VPS13D: variants seen among roughly 807,000 people sequenced by gnomAD.
VPS13D encodes intermembrane lipid transfer protein VPS13D.
In VPS13D, 187 loss-of-function variants were observed where a neutral mutation model predicts 461.9. That is an observed-to-expected ratio of 0.40 (90% confidence interval 0.36 to 0.46). The LOEUF (loss-of-function observed/expected upper bound fraction) is 0.46. VPS13D is among the 20% of genes least tolerant of loss of function. The pLI, the probability that VPS13D is intolerant of heterozygous loss-of-function variation, is 0.60. For missense variants in VPS13D, 4,711 were observed against 5,364.9 expected, an observed-to-expected ratio of 0.88 and a Z score of 3.81; for synonymous variants, 1,951 against 1,986.3, an observed-to-expected ratio of 0.98 and a Z score of 0.47.
rs777803514 is a variant in VPS13D, at chr1:12,277,131, G to A, written c.3543G>A (p.Val1181=). The A allele has an allele frequency of 6.2e-7, 1 of 1,614,162 alleles. No individual in the cohort carries two copies. Among genetic ancestry groups the A allele is most frequent in the South Asian group, 1.1e-5 (1 of 91,074 alleles). ...HRLNLLLLRT[V]GMANREKYGR... ...TGAACTTACTGCTTCTTCGGACAGT[G>A]GGCATGGCAAATAGAGAGAAATATG... The change falls in exon 19 of 70, where the codon GTG becomes GTA. Residue 1181 remains valine (V), a synonymous_variant. Coordinates refer to ENST00000620676, the MANE Select transcript of VPS13D (RefSeq NM_015378.4).
chr1:12,421,606 A>G (rs186411116), intron 65 of VPS13D, among the ~76,000 whole-genome samples: 56 of 152,308 alleles, frequency 3.7e-4, no homozygotes, highest in African/African-American at 1.3e-3. Context: ...AACAAAATAA[A>G]TAAAGTACTT....
At chr1:12,290,929 TC>T in intron 22 of VPS13D, 68 bp from the exon 23 acceptor site, 3 of 1,464,710 alleles carry the variant, frequency 2.0e-6, no homozygotes, top group Non-Finnish European at 2.7e-6. Flanking sequence ...CAGCTTTTGT[TC>T]CAGACATATT....
chr1:12,299,260 CCGTT>C lies in VPS13D; in HGVS notation c.6094_6097del (p.Val2032SerfsTer2). 1.2e-6 allele frequency: 2 copies of C among 1,613,802 alleles called. No individual in the cohort carries two copies. The highest frequency in any genetic ancestry group is 1.7e-6 in the Non-Finnish European group (2 of 1,179,964). Reference sequence around the variant, plus strand: ...CTCCTGGATATTGAGGCTGGTGCTCCCGTTCTCTTGATCCCAGAAAGTTCCAGAT... The same window carrying C: ...CTCCTGGATATTGAGGCTGGTGCTCCCTCTTGATCCCAGAAAGTTCCAGAT... On this transcript the variant is annotated frameshift_variant, in exon 25 of 70. Coordinates refer to ENST00000620676, the MANE Select transcript of VPS13D (RefSeq NM_015378.4). LOFTEE classifies it high-confidence loss of function. This position sits in a 1 kb window ranked among gnomAD's most constrained non-coding sequence, Gnocchi z 4.2.
chr1:12,366,126 C>T (rs1212791636), intron 52 of VPS13D, among the ~76,000 whole-genome samples: 3 of 152,038 alleles, frequency 2.0e-5, no homozygotes, highest in African/African-American at 7.2e-5. Flanking sequence ...CCAGGCTGGT[C>T]TGGAACTTCT....
intron 66 of VPS13D, 109 bp downstream of exon 66, chr1:12,456,239 C>A (rs143531591): frequency 0.015 from 21,778 of 1,434,400 alleles, 568 homozygotes; most frequent in Admixed American, 0.12. Flanking sequence ...CGCGGTGGCT[C>A]ATGCTTGTAA....
chr1:12,476,512 C>T (rs1645633237), intron 67 of VPS13D, among the ~76,000 whole-genome samples: 1 of 152,198 alleles, frequency 6.6e-6, no homozygotes, highest in Non-Finnish European at 1.5e-5. Context: ...CATGTGAGTG[C>T]AAGTGCTTTG....
chr1:12,251,728 T>G (rs1311033060), intron 6 of VPS13D, among the ~76,000 whole-genome samples: 3 of 152,184 alleles, frequency 2.0e-5, no homozygotes, highest in Non-Finnish European at 4.4e-5. Flanking sequence ...GAAACATACC[T>G]GATTGTGGTA....
intron 10 of VPS13D, among the ~76,000 whole-genome samples, chr1:12,259,252 G>A (rs1350064008): frequency 6.6e-6 from 1 of 150,912 alleles, no homozygotes; most frequent in African/African-American, 2.4e-5. Flanking sequence ...GCCCAGGCTG[G>A]TGTTGAACTC....
intron 69 of VPS13D, 99 bp from the exon 70 acceptor site, chr1:12,508,794 C>A: frequency 7.4e-7 from 1 of 1,343,976 alleles, no homozygotes; most frequent in Non-Finnish European, 1.0e-6. Flanking sequence ...TACATCCCAT[C>A]CTGAGATGCA....
chr1:12,260,015 C>CTTTTTTTTTTTT (rs70987243), intron 10 of VPS13D, among the ~76,000 whole-genome samples: 1 of 72,772 alleles, frequency 1.4e-5, no homozygotes, highest in African/African-American at 3.9e-5. Flanking sequence ...GCTTTAGTGA[C>CTTTTTTTTTTTT]TTTTTTTTTT....
chr1:12,433,108 AG>A (rs1167412998), intron 65 of VPS13D, among the ~76,000 whole-genome samples: 1 of 152,220 alleles, frequency 6.6e-6, no homozygotes, highest in Non-Finnish European at 1.5e-5. Flanking sequence ...AGAATGAGCC[AG>A]GGGCCACCCT....
chr1:12,470,408 G>C (rs1335965985), intron 67 of VPS13D, among the ~76,000 whole-genome samples: 1 of 152,196 alleles, frequency 6.6e-6, no homozygotes, highest in African/African-American at 2.4e-5. Flanking sequence ...ATTACCACAT[G>C]TGAAGTGCTT....
At chr1:12,354,335 C>A in intron 47 of VPS13D, 114 bp downstream of exon 47, 3 of 1,304,134 alleles carry the variant, frequency 2.3e-6, no homozygotes, top group South Asian at 1.4e-5. Flanking sequence ...TATAATATCT[C>A]AATAAGCCAG....
chr1:12,340,931 A>T (rs1017830667), intron 40 of VPS13D, among the ~76,000 whole-genome samples: 2 of 152,216 alleles, frequency 1.3e-5, no homozygotes, highest in Non-Finnish European at 2.9e-5. Flanking sequence ...TCTGTGTTCC[A>T]TGTGGAACCA....
At chr1:12,483,441 A>G (rs1012174010) in intron 67 of VPS13D, among the ~76,000 whole-genome samples, 1 of 150,580 alleles carries the variant, frequency 6.6e-6, no homozygotes, top group Non-Finnish European at 1.5e-5. Context: ...CTTTGCTTCA[A>G]TCTTTTTAAA....
At chr1:12,468,168 A>G (rs1211168323) in intron 67 of VPS13D, among the ~76,000 whole-genome samples, 1 of 152,234 alleles carries the variant, frequency 6.6e-6, no homozygotes, top group Non-Finnish European at 1.5e-5. Flanking sequence ...TATTACATAC[A>G]TAAGATAAGA....
At position 12,369,463 on chromosome 1, in the gene VPS13D, C is replaced by G. The variant is rs1386405305; in HGVS notation, c.10573-4C>G. 5 of 1,613,910 alleles carry G rather than the reference C, an allele frequency of 3.1e-6. No homozygotes were observed. Among genetic ancestry groups the G allele is most frequent in the Non-Finnish European group, 4.2e-6 (5 of 1,179,950 alleles). On this transcript the variant is annotated splice_region_variant and splice_polypyrimidine_tract_variant and intron_variant, in intron 53 of 69. Coordinates refer to ENST00000620676, the MANE Select transcript of VPS13D (RefSeq NM_015378.4). ...CCTCTTTGTCCTCTCTGCCATCACT[C>G]TAGGTCCCGGTTGTCTTTACTCAGC...
At chr1:12,302,689 T>C (rs1466081140) in intron 25 of VPS13D, among the ~76,000 whole-genome samples, 1 of 152,196 alleles carries the variant, frequency 6.6e-6, no homozygotes, top group African/African-American at 2.4e-5. Context: ...CACATTCACA[T>C]GCTTTAAAAA....
chr1:12,346,391 T>C (rs1336946240), intron 43 of VPS13D, among the ~76,000 whole-genome samples: 1 of 152,248 alleles, frequency 6.6e-6, no homozygotes, highest in African/African-American at 2.4e-5. Context: ...CATTGATGTG[T>C]TGGGGAGAAA....
Sources: allele counts gnomAD v4.1 joint callset (sites outside exome capture counted in the v4.1 genomes callset), GRCh38; gene constraint gnomAD v4.1.1; non-coding constraint Gnocchi (gnomAD v3.1); transcripts MANE v1.5; gene names NCBI Gene and HGNC (gene_info 2026-07-23, HGNC 2026-07-21).